Variants in RPS6KA2 observed in about 807,000 individuals in gnomAD.
RPS6KA2 encodes the protein ribosomal protein S6 kinase A2, also known as ribosomal protein S6 kinase alpha-2.
Under a neutral mutation model 91.8 loss-of-function variants are expected in RPS6KA2, and 42 were observed. The ratio of observed to expected loss-of-function variants is 0.46; its 90% CI spans 0.36 to 0.59. RPS6KA2 has a LOEUF of 0.59. RPS6KA2 is among the 20% of genes least tolerant of loss of function. The probability of loss-of-function intolerance (pLI) is 0.00; values close to 1 mark genes in which losing one functional copy is unlikely to be tolerated. For missense variants in RPS6KA2, 798 were observed against 978.5 expected, an observed-to-expected ratio of 0.82 and a Z score of 2.46; for synonymous variants, 414 against 393.6, an observed-to-expected ratio of 1.05 and a Z score of -0.61.
chr6:166,418,403 G>T lies in RPS6KA2; in HGVS notation c.1821-61C>A. On this transcript the variant is annotated intron_variant, in intron 18 of 20. Transcript: ENST00000265678. The surrounding 1 kb of genome is among the most constrained non-coding windows in gnomAD (Gnocchi z 4.9). ...TATTTTACAACCTAAAATAAAGTTT[G>T]CAAGTTGATATCACCCCTTGGCTGT... The T allele has an allele frequency of 1.6e-6, 2 of 1,280,208 alleles. No individual in the cohort carries two copies. Among genetic ancestry groups the T allele is most frequent in the Non-Finnish European group, 2.3e-6 (2 of 879,112 alleles). The allele number at this position is 1,280,208 out of a possible 1,614,324, so 79.3% of individuals were successfully genotyped here. A position where few individuals can be genotyped will look rare whatever the true frequency, so the allele number is the denominator to read the frequency against.
intron 1 of RPS6KA2, among the ~76,000 whole-genome samples, chr6:166,560,287 A>G (rs1784304625): frequency 6.6e-6 from 1 of 152,254 alleles, no homozygotes; most frequent in African/African-American, 2.4e-5. Flanking sequence ...ATGCGCTTAC[A>G]TGAAATACTG....
chr6:166,855,514 GAAT>G (rs60997939), intron 2 of RPS6KA2, among the ~76,000 whole-genome samples: 83,493 of 145,834 alleles, frequency 0.57, 27,117 homozygotes, highest in Non-Finnish European at 0.72. Flanking sequence ...AGAAGAAGAA[GAAT>G]AAGAAGGGTT....
At chr6:166,581,565 G>A (rs1052903446) in intron 1 of RPS6KA2, among the ~76,000 whole-genome samples, 6 of 152,240 alleles carry the variant, frequency 3.9e-5, no homozygotes, top group East Asian at 1.9e-4. Flanking sequence ...CCGAGAGGCC[G>A]GCTTCGAGTA....
intron 2 of RPS6KA2, among the ~76,000 whole-genome samples, chr6:166,743,087 A>G (rs539248427): frequency 1.3e-5 from 2 of 152,356 alleles, no homozygotes; most frequent in East Asian, 3.9e-4. Context: ...TACACAAACT[A>G]GCACTTATGT....
rs1272942887 is a variant in RPS6KA2 at position 166,737,593 on chromosome 6, A to G, written c.123+120607T>C. 6.6e-6 allele frequency among the ~76,000 whole-genome samples: 1 copy of G among 152,196 alleles called. No individual in the cohort carries two copies. Among genetic ancestry groups the G allele is most frequent in the Non-Finnish European group, 1.5e-5 (1 of 68,032 alleles). On this transcript the variant is annotated intron_variant, in intron 2 of 21. Transcript: ENST00000503859. This position sits in a 1 kb window ranked among gnomAD's most constrained non-coding sequence, Gnocchi z 4.3. ...AAAACAGAATGAGCTTTTTCACAGGAAACTACTACTGACTCCTTTTAAGCT... is the reference window on the plus strand; with the variant it reads ...AAAACAGAATGAGCTTTTTCACAGGGAACTACTACTGACTCCTTTTAAGCT...
chr6:166,529,647 T>C (rs976729412), intron 3 of RPS6KA2, among the ~76,000 whole-genome samples: 1 of 152,198 alleles, frequency 6.6e-6, no homozygotes, highest in African/African-American at 2.4e-5. Flanking sequence ...CTTGAGTGCC[T>C]ACAATAAACT....
chr6:166,449,875 G>A (rs1347161620), intron 13 of RPS6KA2, among the ~76,000 whole-genome samples: 3 of 131,196 alleles, frequency 2.3e-5, no homozygotes, highest in African/African-American at 5.1e-5. Flanking sequence ...ACCACCACGC[G>A]GACCACCATG....
intron 2 of RPS6KA2, among the ~76,000 whole-genome samples, chr6:166,782,586 C>A (rs1282934660): frequency 1.3e-5 from 2 of 152,154 alleles, no homozygotes; most frequent in African/African-American, 4.8e-5. Flanking sequence ...GATCCCGAGG[C>A]CCGGATTGCT....
intron 3 of RPS6KA2, among the ~76,000 whole-genome samples, chr6:166,520,042 G>T (rs918307034): frequency 6.6e-6 from 1 of 152,248 alleles, no homozygotes; most frequent in African/African-American, 2.4e-5. Flanking sequence ...CCCACTGAGG[G>T]CCAGAATAGA....
chr6:166,645,144 C>T (rs927147789), intron 2 of RPS6KA2, among the ~76,000 whole-genome samples: 4 of 152,170 alleles, frequency 2.6e-5, no homozygotes, highest in South Asian at 2.1e-4. Context: ...AGAAAATGAA[C>T]GAAACTACTT....
intron 2 of RPS6KA2, among the ~76,000 whole-genome samples, chr6:166,840,904 G>A (rs932510094): frequency 9.2e-5 from 14 of 152,046 alleles, no homozygotes; most frequent in Middle Eastern, 3.4e-3. Context: ...CAGAGGTTGC[G>A]GTGAGCTGAG....
intron 2 of RPS6KA2, among the ~76,000 whole-genome samples, chr6:166,823,985 TA>T (rs1206418055): frequency 6.6e-6 from 1 of 152,180 alleles, no homozygotes; most frequent in Non-Finnish European, 1.5e-5. Flanking sequence ...CTCAAAAGTT[TA>T]TGCTCTCCAT....
chr6:166,797,279 A>G (rs549310507), intron 2 of RPS6KA2, among the ~76,000 whole-genome samples: 1 of 151,722 alleles, frequency 6.6e-6, no homozygotes, highest in African/African-American at 2.4e-5. Context: ...GATGGATGCC[A>G]CTGAAGGAGA....
At chr6:166,663,330 G>A (rs1406079677) in intron 2 of RPS6KA2, among the ~76,000 whole-genome samples, 9 of 152,124 alleles carry the variant, frequency 5.9e-5, no homozygotes, top group Admixed American at 5.9e-4. Flanking sequence ...TCCCAGGAGG[G>A]CAGAAAAACC....
intron 1 of RPS6KA2, among the ~76,000 whole-genome samples, chr6:166,602,372 C>T (rs917143553): frequency 6.6e-6 from 1 of 152,196 alleles, no homozygotes; most frequent in Non-Finnish European, 1.5e-5. Context: ...GAGAGAACCT[C>T]CCCCAACACC....
chr6:166,742,827 C>T (rs565032802), intron 2 of RPS6KA2, among the ~76,000 whole-genome samples: 4 of 152,324 alleles, frequency 2.6e-5, no homozygotes, highest in South Asian at 2.1e-4. Context: ...GTGTCCCGTC[C>T]GTGCCTGCAA....
chr6:166,443,533 C>G (rs574464366), intron 14 of RPS6KA2, among the ~76,000 whole-genome samples: 2 of 152,170 alleles, frequency 1.3e-5, no homozygotes, highest in Admixed American at 6.5e-5. Context: ...CACATGGAGA[C>G]GAGGAGTGTC....
intron 1 of RPS6KA2, among the ~76,000 whole-genome samples, chr6:166,605,919 G>A (rs1366991466): frequency 6.6e-6 from 1 of 152,226 alleles, no homozygotes; most frequent in Non-Finnish European, 1.5e-5. Context: ...TCTTTACTTT[G>A]CAGGTTGATG....
intron 2 of RPS6KA2, among the ~76,000 whole-genome samples, chr6:166,799,659 C>T (rs191941874): frequency 3.3e-5 from 5 of 151,630 alleles, no homozygotes; most frequent in African/African-American, 9.7e-5. Context: ...CCAGCGGAAA[C>T]ACTTAAGAGT....
Sources: gnomAD v4.1 joint callset for allele counts (sites outside exome capture counted in the v4.1 genomes callset) on GRCh38, gnomAD v4.1.1 for gene constraint, Gnocchi (gnomAD v3.1) non-coding constraint, MANE v1.5 for transcripts, NCBI Gene and HGNC (gene_info 2026-07-23, HGNC 2026-07-21) for gene names.